The following OPRM1 variants were observed in gnomAD, a reference collection of about 807,000 sequenced individuals.
OPRM1 encodes mu-type opioid receptor.
A neutral mutation model predicts 31.8 loss-of-function variants in OPRM1; 27 were observed. The ratio of observed to expected loss-of-function variants is 0.85; its 90% CI spans 0.63 to 1.17. The LOEUF is 1.17. Ranked by LOEUF, OPRM1 falls within the 50% of genes most tolerant of loss-of-function variation. OPRM1 has a pLI of 0.00. For synonymous variants in OPRM1, 196 were observed against 189.9 expected (o/e 1.03, Z -0.26); for missense variants, 536 against 511.1 (o/e 1.05, Z -0.47).
Position 154,110,886 on chromosome 6 carries a change from C to CAA in OPRM1, c.1165-7775_1165-7774dup, listed in dbSNP as rs374739553. 8.2e-3 allele frequency among the ~76,000 whole-genome samples: 517 copies of CAA among 63,206 alleles called. 33 individuals carry two copies. The highest frequency in any genetic ancestry group is 0.022 in the African/African-American group (411 of 18,462). 41.5% of individuals were successfully genotyped at this position (63,206 alleles called of 152,430 possible). ...TGGGCGACAAAGCGAGACTCCGTCT[C>CAA]AAAAAAAAAAAAAAAAAAAAAAAGA... On this transcript the variant is annotated intron_variant, in intron 3 of 3. Transcript: ENST00000330432.
At chr6:154,164,396 C>T (rs979133802) in intron 3 of OPRM1, among the ~76,000 whole-genome samples, 1 of 152,106 alleles carries the variant, frequency 6.6e-6, no homozygotes, top group Non-Finnish European at 1.5e-5. Context: ...AAAATGTAGA[C>T]AATAATACAG....
At chr6:154,025,546 C>T (rs913313921) in intron 1 of OPRM1, among the ~76,000 whole-genome samples, 2 of 151,790 alleles carry the variant, frequency 1.3e-5, no homozygotes, top group African/African-American at 2.4e-5. Context: ...GATAAGTAAG[C>T]AATTATTCCT....
chr6:154,166,827 T>C (rs1198811475), intron 3 of OPRM1, among the ~76,000 whole-genome samples: 1 of 152,208 alleles, frequency 6.6e-6, no homozygotes, highest in Non-Finnish European at 1.5e-5. Flanking sequence ...AATAATCAAA[T>C]ATATTCATCA....
chr6:154,079,293 A>G (rs1583409269), intron 1 of OPRM1, among the ~76,000 whole-genome samples: 1 of 152,232 alleles, frequency 6.6e-6, no homozygotes, highest in African/African-American at 2.4e-5. Flanking sequence ...AGAAACTGAG[A>G]TGATCTTGCA....
intron 3 of OPRM1, among the ~76,000 whole-genome samples, chr6:154,163,696 AAATAAATG>A (rs1198678281): frequency 5.9e-5 from 9 of 152,234 alleles, no homozygotes; most frequent in Non-Finnish European, 8.8e-5. Flanking sequence ...ATAAAATAAG[AAATAAATG>A]AATAAATGAA....
chr6:154,068,440 T>A (rs1248334849), intron 1 of OPRM1, among the ~76,000 whole-genome samples: 1 of 152,198 alleles, frequency 6.6e-6, no homozygotes, highest in Non-Finnish European at 1.5e-5. Context: ...ATTTCTCATT[T>A]GAGTGAAATA....
upstream of OPRM1, among the ~76,000 whole-genome samples, chr6:154,036,980 G>T (rs948152755): frequency 2.0e-5 from 3 of 151,804 alleles, no homozygotes; most frequent in Admixed American, 2.0e-4. Flanking sequence ...AGCTAGGAGA[G>T]TAAATAAAGT....
chr6:154,215,399 T>C (rs1251025818), intron 3 of OPRM1, among the ~76,000 whole-genome samples: 3 of 151,914 alleles, frequency 2.0e-5, no homozygotes, highest in African/African-American at 7.3e-5. Flanking sequence ...AGGTCAGAAG[T>C]TCAAGACCAG....
chr6:154,181,307 C>T (rs1188024762), intron 3 of OPRM1, among the ~76,000 whole-genome samples: 1 of 152,110 alleles, frequency 6.6e-6, no homozygotes, highest in Non-Finnish European at 1.5e-5. Context: ...AACGATCATA[C>T]ATTGAGTTTT....
intron 1 of OPRM1, among the ~76,000 whole-genome samples, chr6:154,048,449 A>G (rs1159518824): frequency 6.6e-6 from 1 of 152,170 alleles, no homozygotes; most frequent in South Asian, 2.1e-4. Flanking sequence ...ACATGCTACC[A>G]TTGTTAAAAA....
At chr6:154,170,457 C>A (rs527527798) in intron 3 of OPRM1, among the ~76,000 whole-genome samples, 7 of 152,316 alleles carry the variant, frequency 4.6e-5, no homozygotes, top group Admixed American at 2.0e-4. Context: ...GAATTAGTTT[C>A]CCCTATCCAT....
chr6:154,034,287 G>A (rs1406148626), upstream of OPRM1, among the ~76,000 whole-genome samples: 2 of 152,212 alleles, frequency 1.3e-5, no homozygotes, highest in East Asian at 3.9e-4. Flanking sequence ...GCTCACGCCT[G>A]TAATCCCAGC....
upstream of OPRM1, chr6:154,039,113 C>T (rs371128427): frequency 1.3e-6 from 2 of 1,517,106 alleles, no homozygotes; most frequent in East Asian, 5.0e-5. Context: ...CTACCAAAGA[C>T]TAACTCTATC....
intron 3 of OPRM1, among the ~76,000 whole-genome samples, chr6:154,174,111 C>G (rs888226093): frequency 1.3e-5 from 2 of 152,124 alleles, no homozygotes; most frequent in African/African-American, 4.8e-5. Context: ...CCTTTACAGA[C>G]AAGCAAATGC....
chr6:154,048,925 A>T (rs1036837407), intron 1 of OPRM1, among the ~76,000 whole-genome samples: 1 of 152,228 alleles, frequency 6.6e-6, no homozygotes, highest in Non-Finnish European at 1.5e-5. Flanking sequence ...ATTATTCATG[A>T]TAGTTATGGT....
In OPRM1 at chr6:154,120,275, T is replaced by C. The variant is rs545094924; in HGVS notation, c.*1554T>C. On this transcript the variant is annotated 3_prime_UTR_variant, in exon 4 of 4. Transcript: ENST00000330432. ...ATATGTGCCAGATATACAAAAGCAA[T>C]GTTTCTAGAAAACAGCTATCATGGA... Among the ~76,000 whole-genome samples, 2 of 152,272 alleles carry C rather than the reference T, an allele frequency of 1.3e-5. No homozygotes were observed. The highest frequency in any genetic ancestry group is 4.1e-4 in the South Asian group (2 of 4,820).
intron 1 of OPRM1, among the ~76,000 whole-genome samples, chr6:154,022,138 G>A (rs1778412249): frequency 6.6e-6 from 1 of 152,174 alleles, no homozygotes; most frequent in Admixed American, 6.5e-5. Flanking sequence ...TTATCAACTT[G>A]AGTAAGTTCC....
At chr6:154,208,163 G>A (rs1296020885) in intron 3 of OPRM1, among the ~76,000 whole-genome samples, 3 of 151,950 alleles carry the variant, frequency 2.0e-5, no homozygotes, top group African/African-American at 7.3e-5. Context: ...TCCTTAACTG[G>A]CCCATATGCC....
At chr6:154,065,837 G>A (rs190739340) in intron 1 of OPRM1, among the ~76,000 whole-genome samples, 319 of 152,020 alleles carry the variant, frequency 2.1e-3, no homozygotes, top group African/African-American at 7.4e-3. Flanking sequence ...AGCCATCATT[G>A]TCTTGTTCCT....
Sources: allele counts gnomAD v4.1 joint callset (sites outside exome capture counted in the v4.1 genomes callset), GRCh38; gene constraint gnomAD v4.1.1; transcripts MANE v1.5; gene names NCBI Gene and HGNC (gene_info 2026-07-23, HGNC 2026-07-21).